FAM110B: variants seen among roughly 807,000 people sequenced by gnomAD.
FAM110B encodes the protein protein FAM110B.
Under a neutral mutation model 20.4 loss-of-function variants are expected in FAM110B, and 6 were observed. The ratio of observed to expected loss-of-function variants is 0.29; its 90% confidence interval spans 0.16 to 0.58. The LOEUF (loss-of-function observed/expected upper bound fraction) is 0.58. FAM110B is among the 20% of genes least tolerant of loss of function. The pLI is 0.90. For synonymous variants in FAM110B, 226 were observed against 214.1 expected, an observed-to-expected ratio of 1.06 and a Z score of -0.49; for missense variants, 434 against 498.2, an observed-to-expected ratio of 0.87 and a Z score of 1.23.
intron 2 of FAM110B, among the ~76,000 whole-genome samples, chr8:58,047,306 A>T (rs1321169744): frequency 6.6e-6 from 1 of 152,138 alleles, no homozygotes; most frequent in East Asian, 1.9e-4. Context: ...TGCAGAGAAG[A>T]GGTAAATATT....
chr8:58,081,769 T>G (rs532486646), intron 3 of FAM110B, among the ~76,000 whole-genome samples: 1 of 152,294 alleles, frequency 6.6e-6, no homozygotes, highest in Non-Finnish European at 1.5e-5. Flanking sequence ...TTTCAAAAGT[T>G]ACTTTTTCCT....
rs911954326 is a variant in FAM110B, at chr8:58,147,833, T to A, written c.*490T>A. 2 of 172,642 alleles carry A rather than the reference T, an allele frequency of 1.2e-5. No homozygotes were observed. The highest frequency in any genetic ancestry group is 1.2e-4 in the Admixed American group (2 of 16,490). The allele number at this position is 172,642 out of a possible 1,614,324, so 10.7% of individuals were successfully genotyped here. ...TGACCGAACATAGAACCAGGCTGGG[T>A]TTTCTGTGGAATAAAGTGGTGAGCC... On this transcript the variant is annotated 3_prime_UTR_variant, in exon 4 of 4. Coordinates refer to ENST00000519262, the MANE Select transcript of FAM110B (RefSeq NM_001377989.1).
At chr8:58,060,944 C>T (rs1312318472) in intron 2 of FAM110B, among the ~76,000 whole-genome samples, 2 of 152,062 alleles carry the variant, frequency 1.3e-5, no homozygotes, top group East Asian at 1.9e-4. Context: ...TTTCTTTACC[C>T]AGAGAAGCCA....
At position 58,146,275 on chromosome 8, in the gene FAM110B, C is replaced by G. The variant is rs929795575; in HGVS notation, c.45C>G (p.Val15=). 3 of 1,612,334 alleles carry G rather than the reference C, an allele frequency of 1.9e-6. No individual in the cohort carries two copies. Among genetic ancestry groups the G allele is most frequent in the Non-Finnish European group, 2.5e-6 (3 of 1,179,064 alleles). ...TLQTGSMVKP[V]SPAGTFTSAV... ...AGACAGGTAGCATGGTGAAGCCGGTCAGCCCCGCGGGCACCTTCACCTCTG... is the reference window on the plus strand; with the variant it reads ...AGACAGGTAGCATGGTGAAGCCGGTGAGCCCCGCGGGCACCTTCACCTCTG... Residue 15 remains valine, a synonymous_variant, in exon 4 of 4, where the codon GTC becomes GTG. Transcript: ENST00000519262.
chr8:57,996,919 T>C (rs1279063148), intron 1 of FAM110B, among the ~76,000 whole-genome samples: 1 of 152,238 alleles, frequency 6.6e-6, no homozygotes, highest in Non-Finnish European at 1.5e-5. Flanking sequence ...GAAAACTCAC[T>C]TATTTAAAAC....
intron 3 of FAM110B, among the ~76,000 whole-genome samples, chr8:58,111,388 T>G (rs977236491): frequency 6.6e-6 from 1 of 152,214 alleles, no homozygotes; most frequent in South Asian, 2.1e-4. Context: ...ACTCAGTAGA[T>G]TCAAAGCAGG....
At chr8:58,006,901 G>GTATATACATATATATATA (rs1804415343) in intron 1 of FAM110B, among the ~76,000 whole-genome samples, 1 of 97,496 alleles carries the variant, frequency 1.0e-5, no homozygotes, top group South Asian at 3.7e-4. Context: ...GGCTTAATTG[G>GTATATACATATATATATA]TATATATATA....
intron 1 of FAM110B, among the ~76,000 whole-genome samples, chr8:58,016,662 G>A (rs903575859): frequency 2.6e-5 from 4 of 152,132 alleles, no homozygotes; most frequent in African/African-American, 7.2e-5. Context: ...TGTTTGCCTC[G>A]TGGTGTTGCC....
At chr8:58,040,388 T>TGCCATATGCGCATG (rs1271885517) in intron 2 of FAM110B, among the ~76,000 whole-genome samples, 1 of 152,242 alleles carries the variant, frequency 6.6e-6, no homozygotes, top group Non-Finnish European at 1.5e-5. Context: ...AGTGAGCATG[T>TGCCATATGCGCATG]GCCATATGCG....
intron 1 of FAM110B, among the ~76,000 whole-genome samples, chr8:58,028,633 G>T (rs1469921010): frequency 1.3e-5 from 2 of 152,134 alleles, no homozygotes; most frequent in Admixed American, 6.5e-5. Context: ...TCAATAGTGA[G>T]TTTATAAAAA....
intron 2 of FAM110B, among the ~76,000 whole-genome samples, chr8:58,065,878 T>G (rs563316621): frequency 6.6e-6 from 1 of 152,170 alleles, no homozygotes; most frequent in Non-Finnish European, 1.5e-5. Context: ...GTTTAGTCAT[T>G]GGCATTGTTG....
At chr8:58,090,909 C>A (rs1585877682) in intron 3 of FAM110B, among the ~76,000 whole-genome samples, 1 of 152,292 alleles carries the variant, frequency 6.6e-6, no homozygotes, top group African/African-American at 2.4e-5. Flanking sequence ...ATACTAGTAA[C>A]ATTAACAGTA....
intron 3 of FAM110B, among the ~76,000 whole-genome samples, chr8:58,097,596 A>G (rs1399891115): frequency 6.6e-6 from 1 of 152,010 alleles, no homozygotes; most frequent in Admixed American, 6.6e-5. Context: ...GCTGGCTAGG[A>G]GTTGTGATCC....
intron 1 of FAM110B, among the ~76,000 whole-genome samples, chr8:57,996,891 C>T (rs1376071369): frequency 6.6e-6 from 1 of 152,098 alleles, no homozygotes; most frequent in African/African-American, 2.4e-5. Flanking sequence ...GGATTTATAG[C>T]CTAACTAGCT....
At chr8:58,134,130 C>G (rs1373433506) in intron 3 of FAM110B, among the ~76,000 whole-genome samples, 1 of 152,230 alleles carries the variant, frequency 6.6e-6, no homozygotes, top group Non-Finnish European at 1.5e-5. Flanking sequence ...GAAAAATAAA[C>G]TGTTCTTTTC....
At chr8:58,096,607 CT>C (rs1471799026) in intron 3 of FAM110B, among the ~76,000 whole-genome samples, 4 of 152,132 alleles carry the variant, frequency 2.6e-5, no homozygotes, top group Admixed American at 2.6e-4. Context: ...GTTATTTTGC[CT>C]GTTAGTTTAT....
chr8:58,017,447 C>G (rs1036821315), intron 1 of FAM110B, among the ~76,000 whole-genome samples: 1 of 152,272 alleles, frequency 6.6e-6, no homozygotes, highest in East Asian at 1.9e-4. Context: ...CCACCCTAGA[C>G]TTACTGATGT....
intron 3 of FAM110B, among the ~76,000 whole-genome samples, chr8:58,098,048 T>A (rs1231619932): frequency 2.0e-5 from 3 of 152,202 alleles, no homozygotes; most frequent in African/African-American, 7.2e-5. Flanking sequence ...GGGCAGTCTG[T>A]CCCTTAGCAG....
chr8:57,995,516 A>G (rs1804166910), intron 1 of FAM110B, among the ~76,000 whole-genome samples: 1 of 152,126 alleles, frequency 6.6e-6, no homozygotes, highest in South Asian at 2.1e-4. Context: ...TAACTTGGCA[A>G]CAAAGCCCAT....
Sources: gnomAD v4.1 joint callset for allele counts (sites outside exome capture counted in the v4.1 genomes callset) on GRCh38, gnomAD v4.1.1 for gene constraint, MANE v1.5 for transcripts, NCBI Gene and HGNC (gene_info 2026-07-23, HGNC 2026-07-21) for gene names.